Variants in RNF213 observed in about 807,000 individuals in gnomAD.
RNF213 encodes ring finger protein 213.
In RNF213, 341 loss-of-function variants were observed where a neutral mutation model predicts 514.4. The observed-to-expected ratio is 0.66, with a 90% CI of 0.61 to 0.73. The LOEUF (loss-of-function observed/expected upper bound fraction) is 0.73, where lower values mean the gene tolerates loss of function less well. RNF213 is among the 30% of genes least tolerant of loss of function. RNF213 has a pLI of 0.00. For synonymous variants in RNF213, 2,655 were observed against 2,658.2 expected, an observed-to-expected ratio of 1.00 and a Z score of 0.04; for missense variants, 5,767 against 6,615.6, an observed-to-expected ratio of 0.87 and a Z score of 4.45.
chr17:80,375,030 T>C (rs1276675940), intron 50 of RNF213: 1 of 195,754 alleles, frequency 5.1e-6, no homozygotes, highest in East Asian at 1.2e-4. Flanking sequence ...TTAAAAAATA[T>C]AAAGATGTTT....
chr17:80,263,340 C>T lies in RNF213; in HGVS notation c.-108-234C>T, dbSNP rs112186995. On this transcript the variant is annotated intron_variant, in intron 1 of 67. Coordinates refer to ENST00000582970, the MANE Select transcript of RNF213 (RefSeq NM_001256071.3). This position sits in a 1 kb window ranked among gnomAD's most constrained non-coding sequence, Gnocchi z 4.9. Reference sequence around the variant, plus strand: ...GGCCGTGGGACCCTGCCGAACAGCACGTGGCTGCCCCACGCCTGCCTGGAG... The same window carrying T: ...GGCCGTGGGACCCTGCCGAACAGCATGTGGCTGCCCCACGCCTGCCTGGAG... Among the ~76,000 whole-genome samples the T allele has an allele frequency of 2.2e-4, 33 of 152,286 alleles. No individual in the cohort carries two copies. The highest frequency in any genetic ancestry group is 5.9e-4 in the Admixed American group (9 of 15,294).
In RNF213 at chr17:80,396,287, T is replaced by C. The variant is rs1374356281; in HGVS notation, c.*2789T>C. 2.1e-5 allele frequency: 3 copies of C among 144,246 alleles called. No individual in the cohort carries two copies. Among genetic ancestry groups the C allele is most frequent in the Non-Finnish European group, 3.1e-5 (2 of 65,386 alleles). 8.9% of individuals were successfully genotyped at this position (144,246 alleles called of 1,614,324 possible). A position where few individuals can be genotyped will look rare whatever the true frequency, so the allele number is the denominator to read the frequency against. ...AAAAAAAAATAAAATAAGGACCTTATTGTGTGTGCAAATTATTTGCCTTTC... is the reference window on the plus strand; with the variant it reads ...AAAAAAAAATAAAATAAGGACCTTACTGTGTGTGCAAATTATTTGCCTTTC... On this transcript the variant is annotated 3_prime_UTR_variant, in exon 68 of 68. Transcript: ENST00000582970.
intron 8 of RNF213, among the ~76,000 whole-genome samples, chr17:80,293,684 C>A (rs773996734): frequency 3.3e-5 from 5 of 152,072 alleles, no homozygotes; most frequent in Non-Finnish European, 7.4e-5. Context: ...ATTGGCCGGG[C>A]GTCTTGGCAG....
chr17:80,300,400 C>A (rs1459859417), intron 11 of RNF213, among the ~76,000 whole-genome samples: 1 of 151,992 alleles, frequency 6.6e-6, no homozygotes, highest in Non-Finnish European at 1.5e-5. Context: ...TGCGCCACCA[C>A]ATGTGGCTAA....
chr17:80,278,632 C>T (rs969674291), intron 3 of RNF213: 2 of 1,146,472 alleles, frequency 1.7e-6, no homozygotes, highest in African/African-American at 3.1e-5. Context: ...TGGTCAGTGC[C>T]CACATGTGGG....
At position 80,346,406 on chromosome 17, in the gene RNF213, G is replaced by C. The variant is rs2078313108; in HGVS notation, c.8071G>C (p.Val2691Leu). The change falls in exon 29 of 68, where the codon GTG becomes CTG. Residue 2691 changes from valine (V) to leucine (L), a missense_variant. Val to Leu is a conservative substitution (Grantham distance 32). Coordinates refer to ENST00000582970, the MANE Select transcript of RNF213 (RefSeq NM_001256071.3). This position sits in a 1 kb window ranked among gnomAD's most constrained non-coding sequence, Gnocchi z 8.1. ...CTGGTCGTTGATGCTGGCCATCGGG[G>C]TGTGTTACCATGCCTCTTTAGAAAA... ...VLWSLMLAIG[V>L]CYHASLEKKD... 1 of 1,613,310 alleles carries C rather than the reference G, an allele frequency of 6.2e-7. No individual in the cohort carries two copies. Among genetic ancestry groups the C allele is most frequent in the East Asian group, 2.2e-5 (1 of 44,862 alleles).
rs376444660 is a variant in RNF213 at position 80,371,349 on chromosome 17, A to G, written c.12426-525A>G. On this transcript the variant is annotated intron_variant, in intron 46 of 67. Transcript: ENST00000582970. ...GAGTATATGAGGACAGATTTTCTTC[A>G]TGTTCTCCCATATGCTGCAGCGATG... 4.0e-4 allele frequency among the ~76,000 whole-genome samples: 61 copies of G among 152,338 alleles called. No homozygotes were observed. In the South Asian group the frequency reaches 0.012, roughly 31 times the overall value.
intron 23 of RNF213, among the ~76,000 whole-genome samples, chr17:80,337,319 C>T (rs576133339): frequency 5.8e-4 from 89 of 152,334 alleles, no homozygotes; most frequent in African/African-American, 1.9e-3. Flanking sequence ...AGATGTAAGT[C>T]AAGTGCCCCC....
chr17:80,380,008 C>T (rs1425825478), intron 55 of RNF213, among the ~76,000 whole-genome samples: 1 of 152,172 alleles, frequency 6.6e-6, no homozygotes, highest in Non-Finnish European at 1.5e-5. Context: ...TAGAAATATG[C>T]ATGACATAAA....
Position 80,389,555 on chromosome 17 carries a change from G to A in RNF213, c.15195+188G>A, listed in dbSNP as rs1023516869. On this transcript the variant is annotated intron_variant, in intron 65 of 67. Transcript: ENST00000582970. ...CACCAGGGACAGTAGAGACAGACAC[G>A]CGCTAGAAATGCCAGCAGTCTAGAT... Among the ~76,000 whole-genome samples the A allele has an allele frequency of 2.0e-5, 3 of 152,178 alleles. No homozygotes were observed. The South Asian group carries it at 6.2e-4, about 32-fold the overall frequency.
At chr17:80,292,374 G>A (rs1354404855) in intron 8 of RNF213, among the ~76,000 whole-genome samples, 2 of 152,152 alleles carry the variant, frequency 1.3e-5, no homozygotes, top group African/African-American at 4.8e-5. Context: ...AGCCAGAAAG[G>A]ATTTTTAATT....
chr17:80,292,012 G>C (rs1189534839), intron 8 of RNF213, 185 bp downstream of exon 8: 2 of 684,780 alleles, frequency 2.9e-6, no homozygotes, highest in Non-Finnish European at 5.2e-6. Flanking sequence ...TCTCTGGTTG[G>C]TTAAAGATGT....
Position 80,353,191 on chromosome 17 carries a change from A to G in RNF213, c.10423+132A>G. ...TCCCTCGGCAGGAGCTCGGGGACACATCTGCAGAACTGACTGGTGGCTCAT... is the reference window on the plus strand; with the variant it reads ...TCCCTCGGCAGGAGCTCGGGGACACGTCTGCAGAACTGACTGGTGGCTCAT... On this transcript the variant is annotated intron_variant, in intron 33 of 67. Coordinates refer to ENST00000582970, the MANE Select transcript of RNF213 (RefSeq NM_001256071.3). This position sits in a 1 kb window ranked among gnomAD's most constrained non-coding sequence, Gnocchi z 5.0. 2 of 1,264,754 alleles carry G rather than the reference A, an allele frequency of 1.6e-6. No individual in the cohort carries two copies. The highest frequency in any genetic ancestry group is 2.2e-6 in the Non-Finnish European group (2 of 891,814). 78.3% of individuals were successfully genotyped at this position (1,264,754 alleles called of 1,614,324 possible).
chr17:80,313,204 G>A (rs752575093), intron 15 of RNF213, 37 bp downstream of exon 15: 5 of 1,613,120 alleles, frequency 3.1e-6, no homozygotes, highest in Non-Finnish European at 4.2e-6. Context: ...GTAGGGATGT[G>A]ACTGATCGTG....
In RNF213 at chr17:80,288,489, T is replaced by C. The variant is rs2044558566; in HGVS notation, c.810+126T>C. ...CGTCCTCTGGGCCCTGCTCCCTGGG[T>C]GGGAGTCGGAGGGCTGCCCCTCCAC... is the stretch of plus-strand genomic sequence containing the variant. On this transcript the variant is annotated intron_variant, in intron 4 of 67. Coordinates refer to ENST00000582970, the MANE Select transcript of RNF213 (RefSeq NM_001256071.3). The surrounding 1 kb of genome is among the most constrained non-coding windows in gnomAD (Gnocchi z 4.9). 4 of 1,593,970 alleles carry C rather than the reference T, an allele frequency of 2.5e-6. No homozygotes were observed. The South Asian group carries it at 4.4e-5, about 18-fold the overall frequency.
At chr17:80,305,808 C>T (rs182254765) in intron 11 of RNF213, among the ~76,000 whole-genome samples, 181 of 151,948 alleles carry the variant, frequency 1.2e-3, no homozygotes, top group Non-Finnish European at 1.9e-3. Context: ...TTAGTAGAGA[C>T]GCAGTTTCAC....
At position 80,283,588 on chromosome 17, in the gene RNF213, C is replaced by T. The variant is rs569511477; in HGVS notation, c.262-4227C>T. Reference sequence around the variant, plus strand: ...CCGTGTGCTGCTGCTGCTGTTTCTTCCTGGCTGGCCACTCCCCTCCTGCAA... The same window carrying T: ...CCGTGTGCTGCTGCTGCTGTTTCTTTCTGGCTGGCCACTCCCCTCCTGCAA... On this transcript the variant is annotated intron_variant, in intron 3 of 67. Transcript: ENST00000582970. 4.3e-4 allele frequency among the ~76,000 whole-genome samples: 65 copies of T among 152,356 alleles called. 1 individual carries two copies. The highest frequency in any genetic ancestry group is 1.5e-4 in the Non-Finnish European group (10 of 68,032).
chr17:80,382,915 T>C (rs998607530), intron 57 of RNF213, 64 bp from the exon 58 acceptor site: 10 of 951,748 alleles, frequency 1.1e-5, no homozygotes, highest in Non-Finnish European at 1.7e-5. Flanking sequence ...TTAGGGTTTA[T>C]TATACGCAGA....
chr17:80,353,909 GC>G lies in RNF213; in HGVS notation c.10579-108del. The G allele has an allele frequency of 7.0e-7, 1 of 1,431,576 alleles. No individual in the cohort carries two copies. Among genetic ancestry groups the G allele is most frequent in the Non-Finnish European group, 9.7e-7 (1 of 1,031,598 alleles). 88.7% of individuals were successfully genotyped at this position (1,431,576 alleles called of 1,614,324 possible). A position where few individuals can be genotyped will look rare whatever the true frequency, so the allele number is the denominator to read the frequency against. ...CGTCTCTTCTTTGTCCGTGAGGACC[GC>G]CGCCCTGTGCTGTTTGCTGCATTGA... On this transcript the variant is annotated intron_variant, in intron 34 of 67. Coordinates refer to ENST00000582970, the MANE Select transcript of RNF213 (RefSeq NM_001256071.3). The surrounding 1 kb of genome is among the most constrained non-coding windows in gnomAD (Gnocchi z 5.0).
Sources: gnomAD v4.1 joint callset for allele counts (sites outside exome capture counted in the v4.1 genomes callset) on GRCh38, gnomAD v4.1.1 for gene constraint, Gnocchi (gnomAD v3.1) non-coding constraint, MANE v1.5 for transcripts, NCBI Gene and HGNC (gene_info 2026-07-23, HGNC 2026-07-21) for gene names.